CAPN13: variants seen among roughly 807,000 people sequenced by gnomAD.
CAPN13 encodes calpain 13.
Under a neutral mutation model 98.4 loss-of-function variants are expected in CAPN13, and 90 were observed. That is an observed-to-expected ratio of 0.92 (90% CI 0.77 to 1.09). The LOEUF (loss-of-function observed/expected upper bound fraction) is 1.09. Ranked by LOEUF, CAPN13 falls within the 50% of genes least tolerant of loss-of-function variation. The probability of loss-of-function intolerance (pLI) is 0.00; values close to 1 mark genes in which losing one functional copy is unlikely to be tolerated. For synonymous variants in CAPN13, 330 were observed against 305.5 expected, an observed-to-expected ratio of 1.08 and a Z score of -0.84; for missense variants, 887 against 841.3, an observed-to-expected ratio of 1.05 and a Z score of -0.67.
chr2:30,770,293 G>C lies in CAPN13; in HGVS notation c.524+20C>G. 1 of 1,612,008 alleles carries C rather than the reference G, an allele frequency of 6.2e-7. No homozygotes were observed. Among genetic ancestry groups the C allele is most frequent in the Non-Finnish European group, 8.5e-7 (1 of 1,178,656 alleles). ...CCAGCACTGAAACTCTGGGCTGATGGGTGGCGGGGTTGTACTTACTTGGCA... is the reference window on the plus strand; with the variant it reads ...CCAGCACTGAAACTCTGGGCTGATGCGTGGCGGGGTTGTACTTACTTGGCA... On this transcript the variant is annotated intron_variant, in intron 5 of 22. Transcript: ENST00000295055.
At chr2:30,790,545 T>G (rs1674550184) in intron 1 of CAPN13, among the ~76,000 whole-genome samples, 1 of 152,208 alleles carries the variant, frequency 6.6e-6, no homozygotes, top group Non-Finnish European at 1.5e-5. Context: ...AGCCGTGGCT[T>G]AGGGCTACAA....
At position 30,726,875 on chromosome 2, in the gene CAPN13, C is replaced by A. The variant is rs143935101; in HGVS notation, c.*31-3639G>T. 4.9e-4 allele frequency among the ~76,000 whole-genome samples: 75 copies of A among 152,152 alleles called. 1 individual carries two copies. The East Asian group carries it at 0.014, about 29-fold the overall frequency. ...AAAATTTATATGTAAATGCAAGGAA[C>A]CCAGAAGAGCCAAAATAGTCTTGAA... On this transcript the variant is annotated intron_variant, in intron 22 of 22. Coordinates refer to ENST00000295055, the MANE Select transcript of CAPN13 (RefSeq NM_144575.3).
chr2:30,734,221 C>T (rs1433115526), intron 19 of CAPN13, among the ~76,000 whole-genome samples: 3 of 152,176 alleles, frequency 2.0e-5, no homozygotes, highest in African/African-American at 4.8e-5. Context: ...GGAGGAAAGA[C>T]ATCTGGGAAA....
intron 1 of CAPN13, 67 bp from the exon 2 acceptor site, chr2:30,787,424 C>A: frequency 8.0e-7 from 1 of 1,243,788 alleles, no homozygotes; most frequent in Non-Finnish European, 1.1e-6. Context: ...CAAATGTGAG[C>A]CCCAGATGGG....
intron 18 of CAPN13, 127 bp downstream of exon 18, chr2:30,736,376 C>A: frequency 1.1e-6 from 1 of 891,700 alleles, no homozygotes; most frequent in South Asian, 1.6e-5. Flanking sequence ...TGTGAGCTCT[C>A]CTTGAGGGCA....
chr2:30,774,983 C>T (rs1287228185), intron 4 of CAPN13, among the ~76,000 whole-genome samples: 3 of 152,150 alleles, frequency 2.0e-5, no homozygotes, highest in South Asian at 4.1e-4. Flanking sequence ...GCTCTTGTCA[C>T]TCATTCAAAA....
intron 22 of CAPN13, chr2:30,729,733 T>G (rs990686644): frequency 1.5e-4 from 23 of 152,232 alleles, no homozygotes; most frequent in African/African-American, 5.3e-4. Flanking sequence ...ATGGAGACAG[T>G]GTCTGTCTCT....
At chr2:30,799,785 TA>T (rs1675080482) in intron 1 of CAPN13, among the ~76,000 whole-genome samples, 2 of 152,092 alleles carry the variant, frequency 1.3e-5, no homozygotes, top group African/African-American at 4.8e-5. Context: ...TGTAGAAAGC[TA>T]CACAGGGCCA....
At chr2:30,725,760 T>A (rs925388496) in intron 22 of CAPN13, among the ~76,000 whole-genome samples, 3 of 152,078 alleles carry the variant, frequency 2.0e-5, no homozygotes, top group Non-Finnish European at 4.4e-5. Context: ...AATAGCAAAG[T>A]AAGGGAATAT....
chr2:30,728,700 T>C (rs2681679), intron 22 of CAPN13, among the ~76,000 whole-genome samples: 7,465 of 152,170 alleles, frequency 0.049, 623 homozygotes, highest in African/African-American at 0.17. Flanking sequence ...GGGAGGACAT[T>C]GAAGCGTTTT....
intron 1 of CAPN13, among the ~76,000 whole-genome samples, chr2:30,800,142 A>AAGAAAGAAAGAAAGAT (rs1558351609): frequency 2.0e-5 from 3 of 148,282 alleles, no homozygotes; most frequent in Admixed American, 6.7e-5. Flanking sequence ...GAAAGAAAGA[A>AAGAAAGAAAGAAAGAT]AGAAAGAAAG....
rs1473042674 is a variant in CAPN13 at position 30,770,396 on chromosome 2, G to A, written c.441C>T (p.Val147=). The A allele has an allele frequency of 6.2e-7, 1 of 1,614,018 alleles. No individual in the cohort carries two copies. The highest frequency in any genetic ancestry group is 8.5e-7 in the Non-Finnish European group (1 of 1,179,886). ...VEVVIDDRLP[V]QGDKCLFVRP... ...GCACAAAGAGGCATTTATCTCCCTGGACAGGTAGGCGGTCATCAATCACCA... is the reference window on the plus strand; with the variant it reads ...GCACAAAGAGGCATTTATCTCCCTGAACAGGTAGGCGGTCATCAATCACCA... The change falls in exon 5 of 23, where the codon GTC becomes GTT. Residue 147 remains valine, a synonymous_variant. Transcript: ENST00000295055.
intron 22 of CAPN13, among the ~76,000 whole-genome samples, chr2:30,725,694 C>T (rs1170164976): frequency 3.3e-5 from 5 of 152,088 alleles, no homozygotes; most frequent in African/African-American, 7.2e-5. Context: ...TCCTGGCTAA[C>T]GATAAAAGTC....
At chr2:30,738,572 C>T in intron 15 of CAPN13, 115 bp from the exon 16 acceptor site, 1 of 1,083,628 alleles carries the variant, frequency 9.2e-7, no homozygotes, top group Non-Finnish European at 1.4e-6. Context: ...CCACAATGTA[C>T]CCATCTTGCC....
intron 7 of CAPN13, among the ~76,000 whole-genome samples, chr2:30,758,764 C>T (rs1331277030): frequency 9.8e-6 from 1 of 101,648 alleles, no homozygotes; most frequent in East Asian, 2.5e-4. Flanking sequence ...CCCTCTCTTT[C>T]CTTTCCTTCC....
intron 5 of CAPN13, among the ~76,000 whole-genome samples, chr2:30,765,929 G>C (rs1194447222): frequency 6.6e-6 from 1 of 152,194 alleles, no homozygotes; most frequent in African/African-American, 2.4e-5. Flanking sequence ...CCAGGGTCTA[G>C]ATTTTTCTCT....
intron 1 of CAPN13, among the ~76,000 whole-genome samples, chr2:30,792,466 G>T (rs1167554383): frequency 6.6e-6 from 1 of 151,998 alleles, no homozygotes; most frequent in African/African-American, 2.4e-5. Context: ...TACATACAAT[G>T]GATCAATTTC....
intron 4 of CAPN13, among the ~76,000 whole-genome samples, chr2:30,772,414 G>A (rs1673457541): frequency 6.6e-6 from 1 of 152,204 alleles, no homozygotes; most frequent in South Asian, 2.1e-4. Flanking sequence ...TTAGTGCACT[G>A]CAGCCGCTTC....
chr2:30,771,375 G>A (rs1279144273), intron 4 of CAPN13, among the ~76,000 whole-genome samples: 1 of 152,192 alleles, frequency 6.6e-6, no homozygotes, highest in Non-Finnish European at 1.5e-5. Context: ...TCCACATCTG[G>A]ATGTCCCAGA....
Sources: allele counts gnomAD v4.1 joint callset (sites outside exome capture counted in the v4.1 genomes callset), GRCh38; gene constraint gnomAD v4.1.1; transcripts MANE v1.5; gene names NCBI Gene and HGNC (gene_info 2026-07-23, HGNC 2026-07-21).